Variants in AGBL4 observed in about 807,000 individuals in gnomAD.
The protein encoded by AGBL4 is cytosolic carboxypeptidase 6.
Under a neutral mutation model 66.4 loss-of-function variants are expected in AGBL4, and 58 were observed. The ratio of observed to expected loss-of-function variants is 0.87; its 90% CI spans 0.71 to 1.09. The LOEUF (loss-of-function observed/expected upper bound fraction) is 1.09, where lower values mean the gene tolerates loss of function less well. AGBL4 is among the 50% of genes least tolerant of loss of function. The pLI is 0.00. For missense variants in AGBL4, 579 were observed against 631.0 expected, an observed-to-expected ratio of 0.92 and a Z score of 0.88; for synonymous variants, 234 against 222.9, an observed-to-expected ratio of 1.05 and a Z score of -0.44.
At chr1:49,423,619 C>T (rs985751286) in intron 3 of AGBL4, among the ~76,000 whole-genome samples, 4 of 151,964 alleles carry the variant, frequency 2.6e-5, no homozygotes, top group East Asian at 2.0e-4. Flanking sequence ...AGACCAGCCT[C>T]GCCAACAGGA....
At chr1:48,527,562 A>T in the AGBL4 span, among the ~76,000 whole-genome samples, 5 of 151,112 alleles carry the variant, frequency 3.3e-5, no homozygotes, top group Non-Finnish European at 7.4e-5. Flanking sequence ...GTGCCACTGT[A>T]CTCCAGCCTA....
At chr1:49,736,405 G>A (rs376760871) in intron 2 of AGBL4, among the ~76,000 whole-genome samples, 1 of 151,756 alleles carries the variant, frequency 6.6e-6, no homozygotes, top group East Asian at 1.9e-4. Flanking sequence ...CAACCACAAT[G>A]ATACAAAATT....
intron 3 of AGBL4, among the ~76,000 whole-genome samples, chr1:49,488,913 G>A (rs1647127630): frequency 6.6e-6 from 1 of 151,726 alleles, no homozygotes; most frequent in Admixed American, 6.6e-5. Flanking sequence ...TATGCATCAC[G>A]TTTTCTTTAT....
At chr1:49,581,580 C>T (rs1012675414) in intron 3 of AGBL4, among the ~76,000 whole-genome samples, 2 of 152,114 alleles carry the variant, frequency 1.3e-5, no homozygotes, top group African/African-American at 4.8e-5. Flanking sequence ...GTGGTGAAAA[C>T]TACCTGGTTT....
chr1:49,285,128 C>A (rs1353474154), intron 3 of AGBL4, among the ~76,000 whole-genome samples: 1 of 152,118 alleles, frequency 6.6e-6, no homozygotes, highest in Non-Finnish European at 1.5e-5. Flanking sequence ...AAGTAAAGCT[C>A]TCCTCAGCAA....
At chr1:48,707,729 G>A (rs1033420445) in intron 6 of AGBL4, among the ~76,000 whole-genome samples, 1 of 152,188 alleles carries the variant, frequency 6.6e-6, no homozygotes, top group Non-Finnish European at 1.5e-5. Context: ...CCAATGTGAG[G>A]TCTCAGGTCA....
intron 1 of AGBL4, among the ~76,000 whole-genome samples, chr1:49,905,318 C>A (rs1650168364): frequency 6.6e-6 from 1 of 152,058 alleles, no homozygotes; most frequent in African/African-American, 2.4e-5. Flanking sequence ...TCATCACCAG[C>A]CTGTAGTCTC....
At chr1:49,375,560 G>A (rs1409912011) in intron 3 of AGBL4, among the ~76,000 whole-genome samples, 1 of 152,046 alleles carries the variant, frequency 6.6e-6, no homozygotes, top group East Asian at 1.9e-4. Context: ...AGAAGGAAAT[G>A]TAAATGCATT....
chr1:48,904,603 C>CCTTTGCCTTTGTG (rs1652406150), intron 5 of AGBL4, among the ~76,000 whole-genome samples: 1 of 152,154 alleles, frequency 6.6e-6, no homozygotes, highest in Non-Finnish European at 1.5e-5. Context: ...TAAACTTGAG[C>CCTTTGCCTTTGTG]TAATAACCAT....
intron 1 of AGBL4, among the ~76,000 whole-genome samples, chr1:49,977,868 A>G (rs1658703808): frequency 6.6e-6 from 1 of 152,168 alleles, no homozygotes; most frequent in South Asian, 2.1e-4. Context: ...ATCATTCTCT[A>G]GGCCTGCTGC....
intron 3 of AGBL4, among the ~76,000 whole-genome samples, chr1:49,621,128 G>T (rs2124299818): frequency 6.6e-6 from 1 of 152,286 alleles, no homozygotes; most frequent in Admixed American, 6.5e-5. Context: ...CTAGGTGTTA[G>T]AAATGCTTGT....
intron 4 of AGBL4, among the ~76,000 whole-genome samples, chr1:49,241,097 A>G (rs564477775): frequency 1.3e-5 from 2 of 152,102 alleles, no homozygotes; most frequent in African/African-American, 4.8e-5. Flanking sequence ...TACCAACCCA[A>G]TCCATCATTA....
At chr1:48,947,162 T>C (rs1045084421) in intron 5 of AGBL4, among the ~76,000 whole-genome samples, 1 of 152,252 alleles carries the variant, frequency 6.6e-6, no homozygotes, top group Non-Finnish European at 1.5e-5. Flanking sequence ...AAAGTCACTT[T>C]GTCAGAAAAG....
At chr1:49,544,478 T>A (rs993569259) in intron 3 of AGBL4, among the ~76,000 whole-genome samples, 1 of 152,218 alleles carries the variant, frequency 6.6e-6, no homozygotes, top group African/African-American at 2.4e-5. Flanking sequence ...GCTCTTCCTT[T>A]TCAGTGGTAT....
At chr1:49,435,293 C>A (rs1645879455) in intron 3 of AGBL4, among the ~76,000 whole-genome samples, 1 of 152,118 alleles carries the variant, frequency 6.6e-6, no homozygotes, top group African/African-American at 2.4e-5. Context: ...TGCATCTAAT[C>A]CAATATGGAG....
intron 3 of AGBL4, among the ~76,000 whole-genome samples, chr1:49,405,000 A>G (rs1354697711): frequency 6.6e-6 from 1 of 152,168 alleles, no homozygotes; most frequent in Non-Finnish European, 1.5e-5. Context: ...TGAATGCACT[A>G]TTTATCTTTA....
intron 8 of AGBL4, among the ~76,000 whole-genome samples, chr1:48,652,821 T>C (rs985066915): frequency 5.3e-5 from 8 of 152,180 alleles, no homozygotes; most frequent in African/African-American, 1.4e-4. Context: ...GGCTGGCTGG[T>C]GTGCCCACAC....
chr1:49,752,918 T>G (rs1651590999), intron 2 of AGBL4, among the ~76,000 whole-genome samples: 1 of 152,236 alleles, frequency 6.6e-6, no homozygotes, highest in Non-Finnish European at 1.5e-5. Flanking sequence ...TTCCATTTGC[T>G]TGGTAAATCT....
chr1:48,846,183 AC>A (rs1179419883), intron 6 of AGBL4, among the ~76,000 whole-genome samples: 1 of 152,070 alleles, frequency 6.6e-6, no homozygotes, highest in Non-Finnish European at 1.5e-5. Flanking sequence ...TGATTGTCCC[AC>A]CCATAAGTAT....
Sources: gnomAD v4.1 joint callset for allele counts (sites outside exome capture counted in the v4.1 genomes callset) on GRCh38, gnomAD v4.1.1 for gene constraint, MANE v1.5 for transcripts, NCBI Gene and HGNC (gene_info 2026-07-23, HGNC 2026-07-21) for gene names.